The following WNT2 variants were observed in gnomAD, a reference collection of about 807,000 sequenced individuals.
The protein encoded by WNT2 is Wnt family member 2.
In WNT2, 12 loss-of-function variants were observed where a neutral mutation model predicts 36.9. That is an observed-to-expected ratio of 0.33 (90% CI 0.21 to 0.53). The LOEUF is 0.53. Among genes scored for constraint, WNT2 ranks in the 20% least tolerant of loss-of-function variants. WNT2 has a pLI of 0.95. For synonymous variants in WNT2, 163 were observed against 174.6 expected (o/e 0.93, Z 0.52); for missense variants, 379 against 473.1 (o/e 0.80, Z 1.84).
chr7:117,311,583 T>C (rs1357804119), intron 3 of WNT2, among the ~76,000 whole-genome samples: 1 of 152,212 alleles, frequency 6.6e-6, no homozygotes, highest in Non-Finnish European at 1.5e-5. Flanking sequence ...ATTTTATCAA[T>C]TAAAAAATAC....
intron 3 of WNT2, among the ~76,000 whole-genome samples, chr7:117,310,798 A>C (rs1024160836): frequency 2.0e-5 from 3 of 152,090 alleles, no homozygotes; most frequent in Non-Finnish European, 4.4e-5. Flanking sequence ...ACCATGGGAA[A>C]TCTTTTATCT....
intron 4 of WNT2, among the ~76,000 whole-genome samples, chr7:117,279,684 C>T (rs1011932377): frequency 1.3e-4 from 20 of 152,146 alleles, no homozygotes; most frequent in African/African-American, 3.6e-4. Context: ...TGCATTCGAA[C>T]GTTTGAGTTC....
chr7:117,292,174 G>A (rs1019520886), intron 4 of WNT2, among the ~76,000 whole-genome samples: 1 of 152,228 alleles, frequency 6.6e-6, no homozygotes, highest in African/African-American at 2.4e-5. Flanking sequence ...TAACCAAAAT[G>A]TGGGTGAAGC....
rs990156766 is a variant in WNT2, at chr7:117,277,157, A to C, written c.*998T>G. ...CTCTCTGTCAGCATTTTAGTTCACCAATCTTGTATCCCCAAAATTTTCATC... is the reference window on the plus strand; with the variant it reads ...CTCTCTGTCAGCATTTTAGTTCACCCATCTTGTATCCCCAAAATTTTCATC... On this transcript the variant is annotated 3_prime_UTR_variant, in exon 5 of 5. Transcript: ENST00000265441. 6.8e-6 allele frequency: 1 copy of C among 147,910 alleles called. No individual in the cohort carries two copies. Among genetic ancestry groups the C allele is most frequent in the Non-Finnish European group, 1.5e-5 (1 of 67,234 alleles). The allele number at this position is 147,910 out of a possible 1,614,324, so 9.2% of individuals were successfully genotyped here.
chr7:117,302,909 C>G (rs1480329788), intron 3 of WNT2, among the ~76,000 whole-genome samples: 1 of 152,116 alleles, frequency 6.6e-6, no homozygotes, highest in Non-Finnish European at 1.5e-5. Flanking sequence ...TGAGGGATTT[C>G]ATGGTCTTGA....
rs755954419 is a variant in WNT2 at position 117,320,559 on chromosome 7, A to G, written c.310+8T>C. The G allele has an allele frequency of 5.0e-6, 8 of 1,611,044 alleles. No individual in the cohort carries two copies. In the East Asian group the frequency reaches 1.8e-4, roughly 36 times the overall value. On this transcript the variant is annotated splice_region_variant and intron_variant, in intron 2 of 4. Coordinates refer to ENST00000265441, the MANE Select transcript of WNT2 (RefSeq NM_003391.3). ...AGCCATAGGGCTGGGTGAAGGCAGG[A>G]GACTTACTTCGGAGTAGGACCCTGC... is the stretch of plus-strand genomic sequence containing the variant.
At chr7:117,296,267 T>C (rs1431969984) in intron 4 of WNT2, among the ~76,000 whole-genome samples, 1 of 152,196 alleles carries the variant, frequency 6.6e-6, no homozygotes, top group African/African-American at 2.4e-5. Flanking sequence ...CAGCATCTGG[T>C]CCTCTGCTCC....
chr7:117,320,816 G>A (rs895413840), intron 1 of WNT2, 23 bp from the exon 2 acceptor site: 1 of 1,587,682 alleles, frequency 6.3e-7, no homozygotes, highest in Non-Finnish European at 8.6e-7. Context: ...AACCAACACA[G>A]AGGTGAGGGC....
intron 4 of WNT2, among the ~76,000 whole-genome samples, chr7:117,285,887 G>A (rs891020863): frequency 1.3e-5 from 2 of 152,162 alleles, no homozygotes; most frequent in Non-Finnish European, 2.9e-5. Context: ...GCCTGCCTGA[G>A]TCCAGAGCCC....
chr7:117,311,431 A>G lies in WNT2; in HGVS notation c.588+3640T>C, dbSNP rs73213808. Among the ~76,000 whole-genome samples, 390 of 152,322 alleles carry G rather than the reference A, an allele frequency of 2.6e-3. 1 individual carries two copies. Among genetic ancestry groups the G allele is most frequent in the South Asian group, 4.8e-3 (23 of 4,820 alleles). ...GAGCGGATGTGAACTCCCAGGATCTAGTACTTCATGATTCTATGACCCTGC... is the reference window on the plus strand; with the variant it reads ...GAGCGGATGTGAACTCCCAGGATCTGGTACTTCATGATTCTATGACCCTGC... On this transcript the variant is annotated intron_variant, in intron 3 of 4. Transcript: ENST00000265441.
intron 3 of WNT2, among the ~76,000 whole-genome samples, chr7:117,298,607 A>G (rs1584685413): frequency 6.6e-6 from 1 of 152,152 alleles, no homozygotes; most frequent in Non-Finnish European, 1.5e-5. Flanking sequence ...GCTGGCTCCC[A>G]ATATAGAGAC....
At chr7:117,289,188 G>A (rs1379143873) in intron 4 of WNT2, among the ~76,000 whole-genome samples, 1 of 150,748 alleles carries the variant, frequency 6.6e-6, no homozygotes, top group Non-Finnish European at 1.5e-5. Flanking sequence ...CTCCTGAGTA[G>A]CTGGGACTAC....
At chr7:117,312,248 C>T (rs1448867337) in intron 3 of WNT2, among the ~76,000 whole-genome samples, 1 of 152,120 alleles carries the variant, frequency 6.6e-6, no homozygotes, top group Non-Finnish European at 1.5e-5. Context: ...ACTGCAGCCT[C>T]AGCCTCCCTG....
chr7:117,292,562 A>C (rs1363959483), intron 4 of WNT2, among the ~76,000 whole-genome samples: 1 of 152,134 alleles, frequency 6.6e-6, no homozygotes, highest in Non-Finnish European at 1.5e-5. Context: ...GTCTGTCCCC[A>C]TCCAGGAATA....
intron 3 of WNT2, among the ~76,000 whole-genome samples, chr7:117,306,587 T>G (rs1795018383): frequency 6.6e-6 from 1 of 152,208 alleles, no homozygotes; most frequent in African/African-American, 2.4e-5. Context: ...ACTTCCTTCT[T>G]CTTTGATTCT....
chr7:117,307,565 G>A (rs905152209), intron 3 of WNT2, among the ~76,000 whole-genome samples: 22 of 152,130 alleles, frequency 1.4e-4, no homozygotes, highest in Middle Eastern at 3.2e-3. Context: ...TAGTGTTTGC[G>A]TATCTAATTA....
intron 3 of WNT2, among the ~76,000 whole-genome samples, chr7:117,313,287 C>T (rs1795156537): frequency 6.6e-6 from 1 of 152,216 alleles, no homozygotes; most frequent in Non-Finnish European, 1.5e-5. Flanking sequence ...CATCATGCAT[C>T]TCCTTGAAAA....
Position 117,315,465 on chromosome 7 carries a change from A to C in WNT2, c.311-117T>G. 13 of 1,061,260 alleles carry C rather than the reference A, an allele frequency of 1.2e-5. No individual in the cohort carries two copies. The South Asian group carries it at 2.2e-4, about 18-fold the overall frequency. 65.7% of individuals were successfully genotyped at this position (1,061,260 alleles called of 1,614,324 possible). ...AGACAACCTTTGCCACTAGACAACA[A>C]GGTACTGATATTCTTGAAGGGTTCT... is the stretch of plus-strand genomic sequence containing the variant. On this transcript the variant is annotated intron_variant, in intron 2 of 4. Coordinates refer to ENST00000265441, the MANE Select transcript of WNT2 (RefSeq NM_003391.3).
chr7:117,314,894 G>C (rs1795185128), intron 3 of WNT2, among the ~76,000 whole-genome samples, 177 bp downstream of exon 3: 1 of 152,176 alleles, frequency 6.6e-6, no homozygotes, highest in Non-Finnish European at 1.5e-5. Flanking sequence ...GTGTGGGTGG[G>C]AATATTTCAA....
Sources: gnomAD v4.1 joint callset for allele counts (sites outside exome capture counted in the v4.1 genomes callset) on GRCh38, gnomAD v4.1.1 for gene constraint, MANE v1.5 for transcripts, NCBI Gene and HGNC (gene_info 2026-07-23, HGNC 2026-07-21) for gene names.